RAI1: variants seen among roughly 807,000 people sequenced by gnomAD.
RAI1 encodes the protein retinoic acid-induced protein 1.
Under a neutral mutation model 123.8 loss-of-function variants are expected in RAI1, and 9 were observed. The ratio of observed to expected loss-of-function variants is 0.07; its 90% CI spans 0.04 to 0.13. RAI1 has a LOEUF of 0.13. Ranked by LOEUF, RAI1 falls within the 10% of genes least tolerant of loss-of-function variation. RAI1 has a pLI of 1.00. For missense variants in RAI1, 2,256 were observed against 2,545.8 expected (o/e 0.89, Z 2.45); for synonymous variants, 1,231 against 1,127.3 (o/e 1.09, Z -1.84).
At chr17:17,733,687 T>C (rs1421070732) in intron 2 of RAI1, among the ~76,000 whole-genome samples, 1 of 152,164 alleles carries the variant, frequency 6.6e-6, no homozygotes, top group African/African-American at 2.4e-5. Context: ...ACTGGAAAAA[T>C]TGGCTCTTAG....
Position 17,800,364 on chromosome 17 carries a change from C to T in RAI1, c.5565+1851C>T, listed in dbSNP as rs1473471856. ...CAGCCCCATTCCTGAAAGCCTTGTC[C>T]CCACGGCATCCTCGGTCCCGCAGCC... On this transcript the variant is annotated intron_variant, in intron 3 of 5. Coordinates refer to ENST00000353383, the MANE Select transcript of RAI1 (RefSeq NM_030665.4). The surrounding 1 kb of genome is among the most constrained non-coding windows in gnomAD (Gnocchi z 4.7). 2.6e-5 allele frequency among the ~76,000 whole-genome samples: 4 copies of T among 152,168 alleles called. No homozygotes were observed. In the East Asian group the frequency reaches 7.7e-4, roughly 29 times the overall value.
chr17:17,686,070 C>A (rs1914617959), intron 1 of RAI1, among the ~76,000 whole-genome samples: 1 of 152,280 alleles, frequency 6.6e-6, no homozygotes, highest in African/African-American at 2.4e-5. Context: ...TGTCTGTCCT[C>A]CCCATGAGGC....
chr17:17,797,809 C>T lies in RAI1; in HGVS notation c.4861C>T (p.Pro1621Ser), dbSNP rs143485040. The change falls in exon 3 of 6, where the codon CCC becomes TCC. Residue 1621 changes from proline (P) to serine (S), a missense_variant. Around this residue, in one of 7 missense-constraint regions of RAI1, gnomAD observed 410 missense variants for 374.6 expected, o/e 1.09. Transcript: ENST00000353383. ...TGTTGTCAACTCCCCTGGAGATGCG[C>T]CCAAGCCCCACAGGAAGCCTTCCTC... ...CTVVNSPGDA[P>S]KPHRKPSSSA... The T allele has an allele frequency of 1.2e-5, 19 of 1,613,910 alleles. No individual in the cohort carries two copies. Among genetic ancestry groups the T allele is most frequent in the Non-Finnish European group, 1.6e-5 (19 of 1,180,022 alleles).
At chr17:17,704,870 G>T (rs1915345561) in intron 1 of RAI1, among the ~76,000 whole-genome samples, 1 of 150,772 alleles carries the variant, frequency 6.6e-6, no homozygotes, top group Non-Finnish European at 1.5e-5. Flanking sequence ...TGGGTGGGGG[G>T]GCCGGGGGAG....
At chr17:17,763,445 G>A (rs1166701847) in intron 2 of RAI1, among the ~76,000 whole-genome samples, 1 of 152,236 alleles carries the variant, frequency 6.6e-6, no homozygotes, top group Non-Finnish European at 1.5e-5. Context: ...CGCCCTCAAG[G>A]AGCTGCTGGC....
chr17:17,796,608 T>G lies in RAI1; in HGVS notation c.3660T>G (p.His1220Gln). Residue 1220 changes from histidine (H) to glutamine (Q), a missense_variant, in exon 3 of 6, where the codon CAT (histidine) becomes CAG (glutamine). Physicochemically the swap from His to Gln is conservative, Grantham distance 24. Around this residue, in one of 7 missense-constraint regions of RAI1, gnomAD observed 322 missense variants for 358.0 expected, o/e 0.90. Transcript: ENST00000353383. The surrounding 1 kb of genome is among the most constrained non-coding windows in gnomAD (Gnocchi z 5.8). Reference protein sequence around the residue: ...AGSKLSDRPLHALKRKSAFMA... With the variant: ...AGSKLSDRPLQALKRKSAFMA... ...GCAAGCTCTCTGACCGGCCCCTCCA[T>G]GCGCTCAAAAGGAAGTCGGCCTTCA... 1.2e-6 allele frequency: 2 copies of G among 1,612,248 alleles called. No individual in the cohort carries two copies. The highest frequency in any genetic ancestry group is 1.7e-6 in the Non-Finnish European group (2 of 1,179,900).
At chr17:17,782,822 C>T (rs1396192963) in intron 2 of RAI1, among the ~76,000 whole-genome samples, 1 of 152,268 alleles carries the variant, frequency 6.6e-6, no homozygotes, top group South Asian at 2.1e-4. Flanking sequence ...GCCAAGAGGG[C>T]AGCACGGGCC....
intron 2 of RAI1, among the ~76,000 whole-genome samples, chr17:17,726,410 G>C (rs1223926595): frequency 9.9e-6 from 1 of 101,392 alleles, no homozygotes; most frequent in African/African-American, 5.1e-5. Flanking sequence ...CTGGGAGGCA[G>C]GACTGAAACC....
intron 1 of RAI1, among the ~76,000 whole-genome samples, chr17:17,717,216 C>G (rs1369224489): frequency 6.6e-6 from 1 of 152,104 alleles, no homozygotes; most frequent in Non-Finnish European, 1.5e-5. Context: ...TAGGCCTCAG[C>G]CACACCACTG....
intron 2 of RAI1, among the ~76,000 whole-genome samples, chr17:17,761,109 A>G (rs2030679214): frequency 6.6e-6 from 1 of 152,222 alleles, no homozygotes. Context: ...CTGTGCTCAG[A>G]GTCCTCATCT....
In RAI1 at chr17:17,794,150, C is replaced by T. The variant is rs200825036; in HGVS notation, c.1202C>T (p.Thr401Met). 3.5e-5 allele frequency: 56 copies of T among 1,613,984 alleles called. No individual in the cohort carries two copies. Among genetic ancestry groups the T allele is most frequent in the Non-Finnish European group, 4.5e-5 (53 of 1,180,044 alleles). ...ATGCCCCTGCTCAATCCCTCCCCAACGGATGCCACCAGCTCTGTGGACACC... is the reference window on the plus strand; with the variant it reads ...ATGCCCCTGCTCAATCCCTCCCCAATGGATGCCACCAGCTCTGTGGACACC... ...HFMPLLNPSP[T>M]DATSSVDTQA... Residue 401 changes from threonine to methionine, a missense_variant, in exon 3 of 6, where the codon ACG becomes ATG. Around this residue, in one of 7 missense-constraint regions of RAI1, gnomAD observed 357 missense variants for 480.2 expected, o/e 0.74. Coordinates refer to ENST00000353383, the MANE Select transcript of RAI1 (RefSeq NM_030665.4).
chr17:17,746,327 G>A (rs1406891860), intron 2 of RAI1, among the ~76,000 whole-genome samples: 1 of 152,232 alleles, frequency 6.6e-6, no homozygotes. Context: ...GGGAGCCAAC[G>A]TTATTTTCCT....
At chr17:17,802,817 C>G (rs2032503114) in intron 3 of RAI1, among the ~76,000 whole-genome samples, 1 of 152,058 alleles carries the variant, frequency 6.6e-6, no homozygotes, top group Admixed American at 6.6e-5. Context: ...GGCGCTATGT[C>G]TTACACCTGT....
intron 1 of RAI1, among the ~76,000 whole-genome samples, chr17:17,704,963 G>A (rs1438513864): frequency 6.6e-6 from 1 of 152,160 alleles, no homozygotes; most frequent in Non-Finnish European, 1.5e-5. Flanking sequence ...TGGCCATGAG[G>A]ATCCACAGAA....
chr17:17,729,213 T>C (rs1419063892), intron 2 of RAI1, among the ~76,000 whole-genome samples: 1 of 152,206 alleles, frequency 6.6e-6, no homozygotes, highest in Non-Finnish European at 1.5e-5. Context: ...GTGCCATGTC[T>C]TTTCTGGAAG....
At chr17:17,692,043 C>T (rs1414261222) in intron 1 of RAI1, among the ~76,000 whole-genome samples, 1 of 152,204 alleles carries the variant, frequency 6.6e-6, no homozygotes, top group Non-Finnish European at 1.5e-5. Context: ...CTAAAACAGA[C>T]GTTTTGCCAA....
At chr17:17,757,136 G>A (rs1320664365) in intron 2 of RAI1, among the ~76,000 whole-genome samples, 1 of 152,158 alleles carries the variant, frequency 6.6e-6, no homozygotes, top group Non-Finnish European at 1.5e-5. Context: ...AGAGCTCTTG[G>A]CTCCCTGAGG....
chr17:17,746,607 G>A (rs1483870872), intron 2 of RAI1, among the ~76,000 whole-genome samples: 1 of 149,866 alleles, frequency 6.7e-6, no homozygotes, highest in African/African-American at 2.5e-5. Flanking sequence ...AGCACCATAT[G>A]TGTTTTCTTT....
chr17:17,690,854 A>C (rs1914813609), intron 1 of RAI1, among the ~76,000 whole-genome samples: 1 of 152,086 alleles, frequency 6.6e-6, no homozygotes, highest in Non-Finnish European at 1.5e-5. Context: ...GTCACCCAGC[A>C]TTCTGGCTTG....
Sources: gnomAD v4.1 joint callset for allele counts (sites outside exome capture counted in the v4.1 genomes callset) on GRCh38, gnomAD v4.1.1 for gene constraint, gnomAD v4.1.1 regional missense constraint, Gnocchi (gnomAD v3.1) non-coding constraint, MANE v1.5 for transcripts, NCBI Gene and HGNC (gene_info 2026-07-23, HGNC 2026-07-21) for gene names.